MBOAT1: variants seen among roughly 807,000 people sequenced by gnomAD.
MBOAT1 encodes the protein membrane bound glycerophospholipid O-acyltransferase 1, also known as membrane-bound glycerophospholipid O-acyltransferase 1.
A neutral mutation model predicts 64.4 loss-of-function variants in MBOAT1; 67 were observed. The ratio of observed to expected loss-of-function variants is 1.04; its 90% CI spans 0.85 to 1.27. The LOEUF is 1.27. Ranked by LOEUF, MBOAT1 falls within the 50% of genes most tolerant of loss-of-function variation. The pLI is 0.00. For synonymous variants in MBOAT1, 229 were observed against 218.9 expected, an observed-to-expected ratio of 1.05 and a Z score of -0.41; for missense variants, 563 against 604.6, an observed-to-expected ratio of 0.93 and a Z score of 0.72.
rs371836457 is a variant in MBOAT1 at position 20,164,703 on chromosome 6, C to A, written c.100-11934G>T. ...CAGCCAGGGCTGAGATCCACAGCTT[C>A]AACTTCTAATGCCAACCGGGAAGAA... On this transcript the variant is annotated intron_variant, in intron 1 of 12. Coordinates refer to ENST00000324607, the MANE Select transcript of MBOAT1 (RefSeq NM_001080480.3). 5.6e-4 allele frequency among the ~76,000 whole-genome samples: 85 copies of A among 152,294 alleles called. 1 individual carries two copies. The South Asian group carries it at 0.017, about 30-fold the overall frequency.
At chr6:20,130,592 A>G (rs1581410104) in intron 5 of MBOAT1, among the ~76,000 whole-genome samples, 1 of 151,790 alleles carries the variant, frequency 6.6e-6, no homozygotes, top group East Asian at 1.9e-4. Context: ...TGACCTCGTG[A>G]TCTGCCCACC....
intron 12 of MBOAT1, among the ~76,000 whole-genome samples, chr6:20,103,657 C>G (rs1759867844): frequency 6.6e-6 from 1 of 152,166 alleles, no homozygotes; most frequent in Non-Finnish European, 1.5e-5. Flanking sequence ...GAACTCCCAG[C>G]CTCAGGTGAT....
intron 1 of MBOAT1, among the ~76,000 whole-genome samples, chr6:20,173,104 T>C (rs959061261): frequency 1.3e-5 from 2 of 152,216 alleles, no homozygotes; most frequent in Non-Finnish European, 2.9e-5. Context: ...CCTTCCACCA[T>C]GATTATAAGT....
At chr6:20,149,837 C>T (rs533176086) in intron 3 of MBOAT1, among the ~76,000 whole-genome samples, 1 of 152,302 alleles carries the variant, frequency 6.6e-6, no homozygotes, top group South Asian at 2.1e-4. Context: ...AACTACTGTG[C>T]TAATAGTGAT....
At chr6:20,119,806 G>A (rs997961488) in intron 8 of MBOAT1, among the ~76,000 whole-genome samples, 2 of 152,172 alleles carry the variant, frequency 1.3e-5, no homozygotes, top group African/African-American at 2.4e-5. Flanking sequence ...ACTAATTCGT[G>A]AGTGACAGAG....
intron 1 of MBOAT1, among the ~76,000 whole-genome samples, chr6:20,187,930 T>A (rs1762700681): frequency 6.6e-6 from 1 of 152,116 alleles, no homozygotes; most frequent in Non-Finnish European, 1.5e-5. Context: ...AGGTCAAGGC[T>A]GCAGTGAGCC....
rs550610962 is a variant in MBOAT1 at position 20,195,711 on chromosome 6, AAACAT to A, written c.99+16420_99+16424del. On this transcript the variant is annotated intron_variant, in intron 1 of 12. Coordinates refer to ENST00000324607, the MANE Select transcript of MBOAT1 (RefSeq NM_001080480.3). ...TAACCATCTGTATCTATATTAAACTAAACATGAGTTCATACTGATACACTGATGAT... is the reference window on the plus strand; with the variant it reads ...TAACCATCTGTATCTATATTAAACTAGAGTTCATACTGATACACTGATGAT... Among the ~76,000 whole-genome samples, 63 of 152,350 alleles carry A rather than the reference AAACAT, an allele frequency of 4.1e-4. 1 individual carries two copies. In the South Asian group the frequency reaches 0.013, roughly 31 times the overall value.
At chr6:20,171,248 T>A (rs1762181385) in intron 1 of MBOAT1, among the ~76,000 whole-genome samples, 1 of 151,982 alleles carries the variant, frequency 6.6e-6, no homozygotes, top group South Asian at 2.1e-4. Flanking sequence ...ATAATCAAAG[T>A]TATTTAGGCT....
rs1161602764 is a variant in MBOAT1, at chr6:20,101,552, T to C, written c.*734A>G. ...GGTCTGGGGCTTCCCAGGGAACCAC[T>C]ATGACTGAGTATATTCTGATTTGAG... On this transcript the variant is annotated 3_prime_UTR_variant, in exon 13 of 13. Transcript: ENST00000324607. Among the ~76,000 whole-genome samples the C allele has an allele frequency of 6.6e-6, 1 of 152,194 alleles. No individual in the cohort carries two copies. Among genetic ancestry groups the C allele is most frequent in the African/African-American group, 2.4e-5 (1 of 41,450 alleles).
intron 11 of MBOAT1, 75 bp from the exon 12 acceptor site, chr6:20,109,824 A>G: frequency 7.0e-7 from 1 of 1,429,912 alleles, no homozygotes; most frequent in South Asian, 1.4e-5. Context: ...GTGCATGCAG[A>G]TAGTATGCCA....
intron 1 of MBOAT1, among the ~76,000 whole-genome samples, chr6:20,156,363 A>C (rs1396765949): frequency 6.6e-6 from 1 of 152,102 alleles, no homozygotes; most frequent in Non-Finnish European, 1.5e-5. Flanking sequence ...TAAACTCAAG[A>C]CTTCATCATG....
At chr6:20,154,682 G>C (rs922099635) in intron 1 of MBOAT1, among the ~76,000 whole-genome samples, 1 of 152,238 alleles carries the variant, frequency 6.6e-6, no homozygotes, top group East Asian at 1.9e-4. Flanking sequence ...CCTGTCCTGC[G>C]TGATTTGGTC....
At chr6:20,182,299 T>C (rs113657935) in intron 1 of MBOAT1, among the ~76,000 whole-genome samples, 53 of 152,250 alleles carry the variant, frequency 3.5e-4, no homozygotes, top group African/African-American at 1.2e-3. Context: ...TGTCCTTACA[T>C]AGCAGAACGG....
At chr6:20,135,347 G>A (rs1760956182) in intron 4 of MBOAT1, among the ~76,000 whole-genome samples, 1 of 152,116 alleles carries the variant, frequency 6.6e-6, no homozygotes, top group Admixed American at 6.6e-5. Flanking sequence ...TATGTTTGAA[G>A]TAAAAAGAAA....
At chr6:20,170,226 C>T (rs999312126) in intron 1 of MBOAT1, among the ~76,000 whole-genome samples, 3 of 152,236 alleles carry the variant, frequency 2.0e-5, no homozygotes, top group Admixed American at 6.5e-5. Context: ...CCTATGCCTC[C>T]AAATACCATG....
intron 1 of MBOAT1, among the ~76,000 whole-genome samples, chr6:20,184,020 A>G (rs920483603): frequency 3.3e-5 from 5 of 152,234 alleles, no homozygotes; most frequent in African/African-American, 1.2e-4. Context: ...CCATGATTCA[A>G]TTATCTCCCC....
chr6:20,150,976 C>T (rs1372818081), intron 3 of MBOAT1, among the ~76,000 whole-genome samples: 1 of 152,094 alleles, frequency 6.6e-6, no homozygotes, highest in African/African-American at 2.4e-5. Flanking sequence ...TCTCTTTCAC[C>T]TGAGGCCCAA....
In MBOAT1 at chr6:20,207,868, A is replaced by T. The variant is rs372132995; in HGVS notation, c.99+4268T>A. ...TGTGCAGTGCCTACGCAGGTCTGTG[A>T]GCATACACAGCCTATATACTTACAT... On this transcript the variant is annotated intron_variant, in intron 1 of 12. Transcript: ENST00000324607. 1.3e-5 allele frequency among the ~76,000 whole-genome samples: 2 copies of T among 152,242 alleles called. 1 individual carries two copies. Among genetic ancestry groups the T allele is most frequent in the South Asian group, 4.1e-4 (2 of 4,832 alleles).
intron 1 of MBOAT1, among the ~76,000 whole-genome samples, 192 bp from the exon 2 acceptor site, chr6:20,152,961 T>C (rs1054187608): frequency 7.2e-5 from 11 of 152,132 alleles, no homozygotes; most frequent in African/African-American, 2.7e-4. Context: ...GCCTCCGAAG[T>C]AGCTGGGACT....
Sources: allele counts gnomAD v4.1 joint callset (sites outside exome capture counted in the v4.1 genomes callset), GRCh38; gene constraint gnomAD v4.1.1; transcripts MANE v1.5; gene names NCBI Gene and HGNC (gene_info 2026-07-23, HGNC 2026-07-21).